The following BCAM variants were observed in gnomAD, a reference collection of about 807,000 sequenced individuals.
BCAM encodes basal cell adhesion molecule.
BCAM carries 61 observed loss-of-function variants against 72.4 expected under a neutral mutation model. The ratio of observed to expected loss-of-function variants is 0.84; its 90% CI spans 0.69 to 1.04. The LOEUF (loss-of-function observed/expected upper bound fraction) is 1.04. BCAM is among the 50% of genes least tolerant of loss of function. The probability of loss-of-function intolerance (pLI) is 0.00; values close to 1 mark genes in which losing one functional copy is unlikely to be tolerated. For missense variants in BCAM, 909 were observed against 895.0 expected, an observed-to-expected ratio of 1.02 and a Z score of -0.20; for synonymous variants, 408 against 384.2, an observed-to-expected ratio of 1.06 and a Z score of -0.73.
chr19:44,811,820 G>T, intron 2 of BCAM: 1 of 395,770 alleles, frequency 2.5e-6, no homozygotes. Context: ...GGGAGGTAGA[G>T]GTTGCAGTGA....
intron 13 of BCAM, 58 bp from the exon 14 acceptor site, chr19:44,820,647 T>C (rs1599890876): frequency 9.4e-7 from 1 of 1,066,572 alleles, no homozygotes; most frequent in South Asian, 2.4e-5. Context: ...CCTCAGTTCC[T>C]CCCCCTGCCG....
Position 44,809,215 on chromosome 19 carries a change from CG to C in BCAM, c.82+12del. ...GCTGGCGGCGCACCCAGGTATGGCT[CG>C]GGCTGAGGGCAAGGTGGGACTGGGG... On this transcript the variant is annotated intron_variant, in intron 1 of 14. Transcript: ENST00000270233. 1 of 1,458,094 alleles carries C rather than the reference CG, an allele frequency of 6.9e-7. No individual in the cohort carries two copies. 90.3% of individuals were successfully genotyped at this position (1,458,094 alleles called of 1,614,324 possible).
At position 44,821,061 on chromosome 19, in the gene BCAM, G is replaced by C. The variant is rs1236315659; in HGVS notation, c.*140G>C. The C allele has an allele frequency of 8.5e-7, 1 of 1,183,288 alleles. No homozygotes were observed. The highest frequency in any genetic ancestry group is 1.1e-6 in the Non-Finnish European group (1 of 908,124). The allele number at this position is 1,183,288 out of a possible 1,614,324, so 73.3% of individuals were successfully genotyped here. ...CCAGCCCTCCCTTCCTTCCTCTGCC[G>C]GCAAGGCAGGGACCCACAGTGGCTG... On this transcript the variant is annotated 3_prime_UTR_variant, in exon 15 of 15. Transcript: ENST00000270233.
rs1237888115 is a variant in BCAM, at chr19:44,813,100, C to T, written c.505-150C>T. On this transcript the variant is annotated intron_variant, in intron 4 of 14. Coordinates refer to ENST00000270233, the MANE Select transcript of BCAM (RefSeq NM_005581.5). This position sits in a 1 kb window ranked among gnomAD's most constrained non-coding sequence, Gnocchi z 4.2. Reference sequence around the variant, plus strand: ...GAGGCCTGGACTCTTTAGTCTGAGTCGGGGACTAGGAATTTGGACTCCTGG... The same window carrying T: ...GAGGCCTGGACTCTTTAGTCTGAGTTGGGGACTAGGAATTTGGACTCCTGG... 7 of 809,462 alleles carry T rather than the reference C, an allele frequency of 8.6e-6. No individual in the cohort carries two copies. Among genetic ancestry groups the T allele is most frequent in the Non-Finnish European group, 1.2e-5 (6 of 520,860 alleles). 50.1% of individuals were successfully genotyped at this position (809,462 alleles called of 1,614,324 possible). A position where few individuals can be genotyped will look rare whatever the true frequency, so the allele number is the denominator to read the frequency against.
chr19:44,809,219 C>A lies in BCAM; in HGVS notation c.82+13C>A. 1 of 1,453,080 alleles carries A rather than the reference C, an allele frequency of 6.9e-7. No homozygotes were observed. The highest frequency in any genetic ancestry group is 2.5e-5 in the Admixed American group (1 of 39,776). The allele number at this position is 1,453,080 out of a possible 1,614,324, so 90.0% of individuals were successfully genotyped here. A position where few individuals can be genotyped will look rare whatever the true frequency, so the allele number is the denominator to read the frequency against. On this transcript the variant is annotated intron_variant, in intron 1 of 14. Transcript: ENST00000270233. Reference sequence around the variant, plus strand: ...GCGGCGCACCCAGGTATGGCTCGGGCTGAGGGCAAGGTGGGACTGGGGAGA... The same window carrying A: ...GCGGCGCACCCAGGTATGGCTCGGGATGAGGGCAAGGTGGGACTGGGGAGA...
rs1968475069 is a variant in BCAM, at chr19:44,814,396, G to C, written c.921+108G>C. ...GGGACCTGGGAGTCCCCATGGCTTA[G>C]GCAGCCACCTGATCTGGTGGCCCAC... On this transcript the variant is annotated intron_variant, in intron 7 of 14. Transcript: ENST00000270233. The surrounding 1 kb of genome is among the most constrained non-coding windows in gnomAD (Gnocchi z 4.6). 2.0e-6 allele frequency: 3 copies of C among 1,481,986 alleles called. No homozygotes were observed. The highest frequency in any genetic ancestry group is 2.7e-6 in the Non-Finnish European group (3 of 1,114,650). 91.8% of individuals were successfully genotyped at this position (1,481,986 alleles called of 1,614,324 possible).
upstream of BCAM, chr19:44,809,088 C>A: frequency 1.5e-6 from 2 of 1,354,778 alleles, no homozygotes; most frequent in Non-Finnish European, 9.5e-7. Context: ...AGCGGCCGAG[C>A]TGCAGCCCGG....
intron 8 of BCAM, among the ~76,000 whole-genome samples, chr19:44,816,085 A>T (rs1178973964): frequency 6.6e-6 from 1 of 152,124 alleles, no homozygotes; most frequent in African/African-American, 2.4e-5. Context: ...TGGGAGGCCG[A>T]GGTGGGTGGA....
At position 44,812,752 on chromosome 19, in the gene BCAM, C is replaced by A; in HGVS notation, c.504+204C>A. On this transcript the variant is annotated intron_variant, in intron 4 of 14. Transcript: ENST00000270233. This position sits in a 1 kb window ranked among gnomAD's most constrained non-coding sequence, Gnocchi z 5.3. ...ATCACCTGAGGTCAGGAGTTCCAGA[C>A]CAGCCTGGCCAACATAATGAAACCC... 1 of 590,738 alleles carries A rather than the reference C, an allele frequency of 1.7e-6. No homozygotes were observed. The highest frequency in any genetic ancestry group is 3.0e-6 in the Non-Finnish European group (1 of 337,240). The allele number at this position is 590,738 out of a possible 1,614,324, so 36.6% of individuals were successfully genotyped here.
Position 44,818,569 on chromosome 19 carries a change from C to G in BCAM, c.1126C>G (p.Leu376Val). 1 of 1,614,078 alleles carries G rather than the reference C, an allele frequency of 6.2e-7. No individual in the cohort carries two copies. Among genetic ancestry groups the G allele is most frequent in the Non-Finnish European group, 8.5e-7 (1 of 1,179,962 alleles). ...LSEGKVLSLP[L>V]NSSAVVNCSV... ...CGAGGGGAAGGTGCTTTCCTTACCT[C>G]TAAACAGCAGTGCAGTCGTGAACTG... Residue 376 changes from leucine (L) to valine (V), a missense_variant, in exon 9 of 15, where the codon CTA becomes GTA. Physicochemically the swap from Leu to Val is conservative, Grantham distance 32 (BLOSUM62 1). Transcript: ENST00000270233. This position sits in a 1 kb window ranked among gnomAD's most constrained non-coding sequence, Gnocchi z 4.6.
In BCAM at chr19:44,818,481, G is replaced by A; in HGVS notation, c.1079-41G>A. 1.3e-6 allele frequency: 2 copies of A among 1,571,798 alleles called. No homozygotes were observed. The highest frequency in any genetic ancestry group is 1.1e-5 in the South Asian group (1 of 89,112). On this transcript the variant is annotated intron_variant, in intron 8 of 14. Transcript: ENST00000270233. The surrounding 1 kb of genome is among the most constrained non-coding windows in gnomAD (Gnocchi z 4.6). The stretch of plus-strand genomic sequence containing the variant: ...CCCTGGAGAGCCCCTAATTGAGTGG[G>A]TGGCGGTCTGGGACGAGTGACAGAC...
chr19:44,817,230 C>G (rs1968514189), intron 8 of BCAM, among the ~76,000 whole-genome samples: 1 of 151,908 alleles, frequency 6.6e-6, no homozygotes. Flanking sequence ...GAGCCAAACT[C>G]TCTCAAAAAA....
rs1467798147 is a variant in BCAM, at chr19:44,814,907, T to TG, written c.1078+148dup. The TG allele has an allele frequency of 1.2e-5, 12 of 963,392 alleles. No individual in the cohort carries two copies. The East Asian group carries it at 1.6e-4, about 12-fold the overall frequency. 59.7% of individuals were successfully genotyped at this position (963,392 alleles called of 1,614,324 possible). On this transcript the variant is annotated intron_variant, in intron 8 of 14. Coordinates refer to ENST00000270233, the MANE Select transcript of BCAM (RefSeq NM_005581.5). The surrounding 1 kb of genome is among the most constrained non-coding windows in gnomAD (Gnocchi z 4.6). Reference sequence around the variant, plus strand: ...TGCATTTCTTGGGGGTTTTTTTGGTTGTTTTTTTTTTTTTTTTTTTCCCAG... The same window carrying TG: ...TGCATTTCTTGGGGGTTTTTTTGGTTGGTTTTTTTTTTTTTTTTTTTCCCAG...
rs1968581947 is a variant in BCAM at position 44,820,962 on chromosome 19, C to T, written c.*41C>T. ...GAGGCTGTCCCTGGACCTGGAGCTG[C>T]AGGCATCAGAGAACCAGCCCTGCTC... On this transcript the variant is annotated 3_prime_UTR_variant, in exon 15 of 15. Transcript: ENST00000270233. 2.0e-6 allele frequency: 3 copies of T among 1,536,598 alleles called. No individual in the cohort carries two copies. Among genetic ancestry groups the T allele is most frequent in the African/African-American group, 2.8e-5 (2 of 72,194 alleles).
Position 44,818,667 on chromosome 19 carries a change from T to C in BCAM, c.1194+30T>C, listed in dbSNP as rs534423898. 6.2e-7 allele frequency: 1 copy of C among 1,611,906 alleles called. No homozygotes were observed. Among genetic ancestry groups the C allele is most frequent in the Admixed American group, 1.7e-5 (1 of 59,938 alleles). ...GAGGGAGAGGAGCCCCCTCGGGCCC[T>C]GCACTCGCACCCTCCTCTCTCCCCT... On this transcript the variant is annotated intron_variant, in intron 9 of 14. Transcript: ENST00000270233. The surrounding 1 kb of genome is among the most constrained non-coding windows in gnomAD (Gnocchi z 4.6).
chr19:44,812,144 G>T lies in BCAM; in HGVS notation c.205-19G>T. Reference sequence around the variant, plus strand: ...AGCGCTGGGACACCCGGAGCTGAGAGCCTGCCCCGCGCCCACAGACCGACC... The same window carrying T: ...AGCGCTGGGACACCCGGAGCTGAGATCCTGCCCCGCGCCCACAGACCGACC... On this transcript the variant is annotated intron_variant, in intron 2 of 14. Transcript: ENST00000270233. The surrounding 1 kb of genome is among the most constrained non-coding windows in gnomAD (Gnocchi z 5.3). 1 of 1,582,172 alleles carries T rather than the reference G, an allele frequency of 6.3e-7. No homozygotes were observed.
chr19:44,812,006 G>A lies in BCAM; in HGVS notation c.205-157G>A. The A allele has an allele frequency of 1.0e-5, 7 of 698,806 alleles. 1 individual carries two copies. In the South Asian group the frequency reaches 1.2e-4, roughly 12 times the overall value. 43.3% of individuals were successfully genotyped at this position (698,806 alleles called of 1,614,324 possible). ...AAAAATCAAGAACTGATAGGGAATG[G>A]GGGCAGGAGAAGGTGGGGAGGGACA... On this transcript the variant is annotated intron_variant, in intron 2 of 14. Coordinates refer to ENST00000270233, the MANE Select transcript of BCAM (RefSeq NM_005581.5). The surrounding 1 kb of genome is among the most constrained non-coding windows in gnomAD (Gnocchi z 5.3).
chr19:44,814,520 A>C lies in BCAM; in HGVS notation c.922-84A>C, dbSNP rs1968476311. On this transcript the variant is annotated intron_variant, in intron 7 of 14. Transcript: ENST00000270233. This position sits in a 1 kb window ranked among gnomAD's most constrained non-coding sequence, Gnocchi z 4.6. ...ACCCCTGATTCTGGCTTAGCATGAC[A>C]CTAACCTGGTGGCTTCTGACCTAGC... is the stretch of plus-strand genomic sequence containing the variant. The C allele has an allele frequency of 1.9e-6, 3 of 1,543,404 alleles. No homozygotes were observed. The Admixed American group carries it at 5.7e-5, about 29-fold the overall frequency.
Position 44,810,646 on chromosome 19 carries a change from A to C in BCAM, c.83-579A>C, listed in dbSNP as rs1968405807. 1.3e-5 allele frequency among the ~76,000 whole-genome samples: 2 copies of C among 152,312 alleles called. 1 individual carries two copies. The highest frequency in any genetic ancestry group is 4.1e-4 in the South Asian group (2 of 4,830). On this transcript the variant is annotated intron_variant, in intron 1 of 14. Coordinates refer to ENST00000270233, the MANE Select transcript of BCAM (RefSeq NM_005581.5). ...CCAGGATGGAGAGAAACATTTATCC[A>C]TCATCACAGAGGTGGCCCTGCCCAG...
Sources: allele counts gnomAD v4.1 joint callset (sites outside exome capture counted in the v4.1 genomes callset), GRCh38; gene constraint gnomAD v4.1.1; non-coding constraint Gnocchi (gnomAD v3.1); transcripts MANE v1.5; gene names NCBI Gene and HGNC (gene_info 2026-07-23, HGNC 2026-07-21).